Variants in SLC22A7 observed in about 807,000 individuals in gnomAD.
SLC22A7 encodes the protein hOAT2.
SLC22A7 carries 48 observed loss-of-function variants against 62.2 expected under a neutral mutation model. The observed-to-expected ratio is 0.77, with a 90% CI of 0.61 to 0.98. The LOEUF (loss-of-function observed/expected upper bound fraction) is 0.98. SLC22A7 is among the 50% of genes least tolerant of loss of function. SLC22A7 has a pLI of 0.00. For synonymous variants in SLC22A7, 276 were observed against 314.8 expected (o/e 0.88, Z 1.30); for missense variants, 581 against 703.8 (o/e 0.83, Z 1.97).
intron 7 of SLC22A7, among the ~76,000 whole-genome samples, chr6:43,301,919 C>T (rs1778766090): frequency 6.6e-6 from 1 of 152,184 alleles, no homozygotes; most frequent in African/African-American, 2.4e-5. Context: ...TGGAAAGGGA[C>T]AGATGACTTA....
In SLC22A7 at chr6:43,298,716, G is replaced by A. The variant is rs368655555; in HGVS notation, c.358G>A (p.Asp120Asn). The A allele has an allele frequency of 1.2e-5, 19 of 1,526,184 alleles. No individual in the cohort carries two copies. Among genetic ancestry groups the A allele is most frequent in the African/African-American group, 5.6e-5 (4 of 72,028 alleles). The allele number at this position is 1,526,184 out of a possible 1,614,324, so 94.5% of individuals were successfully genotyped here. A position where few individuals can be genotyped will look rare whatever the true frequency, so the allele number is the denominator to read the frequency against. The change falls in exon 1 of 11, where the codon GAC becomes AAC. Residue 120 changes from aspartate to asparagine, a missense_variant. Asp to Asn is a conservative substitution (Grantham distance 23). Transcript: ENST00000372585. ...GCCCTGCTCTCAGGGCTGGGAGTACGACCACTCAGAATTCTCCTCTACCAT... is the reference window on the plus strand; with the variant it reads ...GCCCTGCTCTCAGGGCTGGGAGTACAACCACTCAGAATTCTCCTCTACCAT... Reference protein sequence around the residue: ...TVPCSQGWEYDHSEFSSTIAT... With the variant: ...TVPCSQGWEYNHSEFSSTIAT...
At chr6:43,301,004 G>A in intron 5 of SLC22A7, 131 bp from the exon 6 acceptor site, 1 of 1,150,724 alleles carries the variant, frequency 8.7e-7, no homozygotes, top group Non-Finnish European at 1.3e-6. Flanking sequence ...AGGGCTTGGG[G>A]AGGAGATGAT....
Position 43,300,285 on chromosome 6 carries a change from A to G in SLC22A7, c.827+219A>G, listed in dbSNP as rs1778693988. 3.3e-6 allele frequency: 2 copies of G among 601,186 alleles called. 1 individual carries two copies. Among genetic ancestry groups the G allele is most frequent in the Admixed American group, 6.0e-5 (2 of 33,118 alleles). The allele number at this position is 601,186 out of a possible 1,614,324, so 37.2% of individuals were successfully genotyped here. A position where few individuals can be genotyped will look rare whatever the true frequency, so the allele number is the denominator to read the frequency against. ...GTGAGAAACAGAGAACAAGATACAG[A>G]GAGTCAGAGATAAAGACAGAGCCAA... On this transcript the variant is annotated intron_variant, in intron 5 of 10. Coordinates refer to ENST00000372585, the MANE Select transcript of SLC22A7 (RefSeq NM_153320.2).
chr6:43,304,157 C>T lies in SLC22A7; in HGVS notation c.1505C>T (p.Ala502Val). ...CCCAAGCTTACTTATGGGGGGATCG[C>T]CCTGCTGGCTGCCGGCACCGCCCTC... ...SLPKLTYGGI[A>V]LLAAGTALLL... Residue 502 changes from alanine to valine, a missense_variant, in exon 10 of 11, where the codon GCC (alanine) becomes GTC (valine). Coordinates refer to ENST00000372585, the MANE Select transcript of SLC22A7 (RefSeq NM_153320.2). 6.2e-7 allele frequency: 1 copy of T among 1,604,552 alleles called. No individual in the cohort carries two copies. The highest frequency in any genetic ancestry group is 8.5e-7 in the Non-Finnish European group (1 of 1,173,984).
rs1482807482 is a variant in SLC22A7, at chr6:43,304,908, C to A, written c.*183C>A. On this transcript the variant is annotated 3_prime_UTR_variant, in exon 11 of 11. Coordinates refer to ENST00000372585, the MANE Select transcript of SLC22A7 (RefSeq NM_153320.2). ...TTGGCTTCTAGGAACAGTTGACTTC[C>A]CAGAATGCAGTGGGCTGCTGGGCAC... 3 of 473,084 alleles carry A rather than the reference C, an allele frequency of 6.3e-6. No individual in the cohort carries two copies. The highest frequency in any genetic ancestry group is 6.0e-5 in the African/African-American group (3 of 49,674). 29.3% of individuals were successfully genotyped at this position (473,084 alleles called of 1,614,324 possible). A position where few individuals can be genotyped will look rare whatever the true frequency, so the allele number is the denominator to read the frequency against.
intron 6 of SLC22A7, 159 bp from the exon 7 acceptor site, chr6:43,301,424 C>T: frequency 8.9e-7 from 1 of 1,117,862 alleles, no homozygotes; most frequent in Non-Finnish European, 1.3e-6. Context: ...CAGTGGGCCA[C>T]ATCCATCATT....
upstream of SLC22A7, chr6:43,297,974 G>C (rs1250788791): frequency 2.8e-5 from 5 of 175,576 alleles, no homozygotes. Flanking sequence ...CCAGGCCCCA[G>C]GGGCCTCCTC....
intron 10 of SLC22A7, 107 bp from the exon 11 acceptor site, chr6:43,304,564 G>A: frequency 1.1e-6 from 1 of 915,072 alleles, no homozygotes; most frequent in Non-Finnish European, 1.7e-6. Flanking sequence ...ACAGGCGTTT[G>A]TATACCAGGA....
In SLC22A7 at chr6:43,304,738, G is replaced by A. The variant is rs373295130; in HGVS notation, c.*13G>A. On this transcript the variant is annotated 3_prime_UTR_variant, in exon 11 of 11. Transcript: ENST00000372585. ...GGTCCAGAACTAAGTGGGAGTGGAG[G>A]CAGGCCCTCCACAGAAGCTCTGCAG... 1.5e-5 allele frequency: 23 copies of A among 1,556,188 alleles called. No individual in the cohort carries two copies. The highest frequency in any genetic ancestry group is 1.8e-5 in the Admixed American group (1 of 54,952).
At chr6:43,298,121 T>G (rs1253030345), upstream of SLC22A7, 2 of 532,002 alleles carry the variant, frequency 3.8e-6, no homozygotes, top group Non-Finnish European at 6.6e-6. Flanking sequence ...GCCAGTGACC[T>G]CTGAATGGAT....
Position 43,299,781 on chromosome 6 carries a change from G to C in SLC22A7, c.658G>C (p.Glu220Gln), listed in dbSNP as rs1253488027. The change falls in exon 4 of 11, where the codon GAG becomes CAG. Residue 220 changes from glutamate (E) to glutamine (Q), a missense_variant and splice_region_variant. By Grantham distance (29) the Glu-to-Gln change is conservative. Coordinates refer to ENST00000372585, the MANE Select transcript of SLC22A7 (RefSeq NM_153320.2). This position sits in a 1 kb window ranked among gnomAD's most constrained non-coding sequence, Gnocchi z 4.4. ...TTTTACCATCATCGTGATGCCACTG[G>C]GTGAGGCAGGCAAGAAACAGGCAGG... Reference protein sequence around the residue: ...AGFTIIVMPLELEWLDVEHRT... With the variant: ...AGFTIIVMPLQLEWLDVEHRT... The C allele has an allele frequency of 1.2e-6, 2 of 1,614,228 alleles. No homozygotes were observed. Among genetic ancestry groups the C allele is most frequent in the South Asian group, 2.2e-5 (2 of 91,090 alleles).
chr6:43,301,428 C>A, intron 6 of SLC22A7, 155 bp from the exon 7 acceptor site: 1 of 1,103,912 alleles, frequency 9.1e-7, no homozygotes, highest in Non-Finnish European at 1.3e-6. Context: ...GGGCCACATC[C>A]ATCATTCGAG....
rs1461953889 is a variant in SLC22A7 at position 43,302,628 on chromosome 6, T to A, written c.1277-27T>A. ...CCCCTGGCTCTCCTCCAAGGCCCTC[T>A]CACTACCTGAACCCGCTTCCCTCCA... On this transcript the variant is annotated intron_variant, in intron 8 of 10. Transcript: ENST00000372585. This position sits in a 1 kb window ranked among gnomAD's most constrained non-coding sequence, Gnocchi z 5.0. 5.2e-6 allele frequency: 8 copies of A among 1,540,196 alleles called. No homozygotes were observed. Among genetic ancestry groups the A allele is most frequent in the Non-Finnish European group, 7.1e-6 (8 of 1,124,892 alleles).
Position 43,304,187 on chromosome 6 carries a change from T to G in SLC22A7, c.1535T>G (p.Leu512Arg), listed in dbSNP as rs751130220. 8.8e-6 allele frequency: 14 copies of G among 1,596,910 alleles called. No homozygotes were observed. The Admixed American group carries it at 1.2e-4, about 14-fold the overall frequency. ...CTGGCTGCCGGCACCGCCCTCCTGC[T>G]GCCAGAGACGAGGCAGGCACAGCTG... ...ALLAAGTALLLPETRQAQLPE... is the reference protein window; with the variant it reads ...ALLAAGTALLRPETRQAQLPE... Residue 512 changes from leucine to arginine, a missense_variant, in exon 10 of 11, where the codon CTG (leucine) becomes CGG (arginine). By Grantham distance (102) the Leu-to-Arg change is moderately radical. Transcript: ENST00000372585.
In SLC22A7 at chr6:43,298,411, T is replaced by C; in HGVS notation, c.53T>C (p.Leu18Pro). The C allele has an allele frequency of 1.2e-6, 2 of 1,614,044 alleles. No homozygotes were observed. Among genetic ancestry groups the C allele is most frequent in the Non-Finnish European group, 1.7e-6 (2 of 1,179,974 alleles). Residue 18 changes from leucine (L) to proline (P), a missense_variant, in exon 1 of 11, where the codon CTG becomes CCG. By Grantham distance (98) the Leu-to-Pro change is moderately conservative. Transcript: ENST00000372585. ...EQVGGFGPFQ[L>P]RNVALLALPR... ...GTGGGCGGCTTTGGGCCCTTCCAAC[T>C]GCGGAATGTGGCACTGCTGGCCCTG...
chr6:43,300,074 C>A lies in SLC22A7; in HGVS notation c.827+8C>A, dbSNP rs749145315. ...AGGCATCCTCAGCCTCTGGTGAGGA[C>A]TGCAGGCAGCTGGGGAGCGGGAGAT... On this transcript the variant is annotated splice_region_variant and intron_variant, in intron 5 of 10. Coordinates refer to ENST00000372585, the MANE Select transcript of SLC22A7 (RefSeq NM_153320.2). 2 of 1,613,480 alleles carry A rather than the reference C, an allele frequency of 1.2e-6. No individual in the cohort carries two copies. Among genetic ancestry groups the A allele is most frequent in the Non-Finnish European group, 1.7e-6 (2 of 1,179,730 alleles).
In SLC22A7 at chr6:43,304,264, T is replaced by C. The variant is rs763805660; in HGVS notation, c.1592+20T>C. ...AAAGAGGTGTGTGCACAGGACTGTG[T>C]CTGTGTACGTGTGATAACATGCATA... On this transcript the variant is annotated intron_variant, in intron 10 of 10. Coordinates refer to ENST00000372585, the MANE Select transcript of SLC22A7 (RefSeq NM_153320.2). 2 of 1,496,462 alleles carry C rather than the reference T, an allele frequency of 1.3e-6. No individual in the cohort carries two copies. Among genetic ancestry groups the C allele is most frequent in the South Asian group, 2.6e-5 (2 of 75,776 alleles). 92.7% of individuals were successfully genotyped at this position (1,496,462 alleles called of 1,614,324 possible).
rs758801569 is a variant in SLC22A7, at chr6:43,299,451, G to C, written c.461G>C (p.Gly154Ala). 6.2e-7 allele frequency: 1 copy of C among 1,614,076 alleles called. No homozygotes were observed. Among genetic ancestry groups the C allele is most frequent in the Non-Finnish European group, 8.5e-7 (1 of 1,179,984 alleles). Residue 154 changes from glycine to alanine, a missense_variant, in exon 3 of 11, where the codon GGT (glycine) becomes GCT (alanine). Coordinates refer to ENST00000372585, the MANE Select transcript of SLC22A7 (RefSeq NM_153320.2). This position sits in a 1 kb window ranked among gnomAD's most constrained non-coding sequence, Gnocchi z 4.4. Reference protein sequence around the residue: ...NRAASTFFFAGVLVGAVAFGY... With the variant: ...NRAASTFFFAAVLVGAVAFGY... ...GCTGCGTCCACTTTCTTCTTCGCCG[G>C]TGTGCTGGTGGGGGCTGTGGCCTTT...
At chr6:43,303,761 T>A (rs1437720336) in intron 9 of SLC22A7, among the ~76,000 whole-genome samples, 1 of 152,230 alleles carries the variant, frequency 6.6e-6, no homozygotes, top group East Asian at 1.9e-4. Flanking sequence ...CACATCACCC[T>A]TTCCTTATCT....
Sources: gnomAD v4.1 joint callset for allele counts (sites outside exome capture counted in the v4.1 genomes callset) on GRCh38, gnomAD v4.1.1 for gene constraint, Gnocchi (gnomAD v3.1) non-coding constraint, MANE v1.5 for transcripts, NCBI Gene and HGNC (gene_info 2026-07-23, HGNC 2026-07-21) for gene names.